Variants in CRYM observed in about 807,000 individuals in gnomAD.
CRYM encodes the protein ketimine reductase mu-crystallin.
Under a neutral mutation model 32.9 loss-of-function variants are expected in CRYM, and 18 were observed. That is an observed-to-expected ratio of 0.55 (90% CI 0.38 to 0.81). The LOEUF is 0.81. Among genes scored for constraint, CRYM ranks in the 30% least tolerant of loss-of-function variants. CRYM has a pLI of 0.00. For synonymous variants in CRYM, 153 were observed against 152.4 expected, an observed-to-expected ratio of 1.00 and a Z score of -0.03; for missense variants, 337 against 393.5, an observed-to-expected ratio of 0.86 and a Z score of 1.21.
chr16:21,261,942 G>A, intron 6 of CRYM, 95 bp downstream of exon 6: 3 of 1,539,302 alleles, frequency 1.9e-6, no homozygotes, highest in East Asian at 4.5e-5. Flanking sequence ...GCTGAGGTCT[G>A]GAGCAGACCA....
At chr16:21,293,415 A>G (rs1960713052) in intron 1 of CRYM, among the ~76,000 whole-genome samples, 1 of 152,166 alleles carries the variant, frequency 6.6e-6, no homozygotes, top group Non-Finnish European at 1.5e-5. Flanking sequence ...AAAAGAGAAT[A>G]CGGAACACAG....
At chr16:21,294,704 CT>C (rs1370526807) in intron 1 of CRYM, among the ~76,000 whole-genome samples, 13 of 98,416 alleles carry the variant, frequency 1.3e-4, no homozygotes, top group Admixed American at 6.1e-4. Flanking sequence ...TTTTTTTTTT[CT>C]TTTTTTTTTG....
chr16:21,276,913 T>C (rs1311138162), intron 2 of CRYM, among the ~76,000 whole-genome samples: 4 of 151,592 alleles, frequency 2.6e-5, no homozygotes, highest in Non-Finnish European at 2.9e-5. Context: ...AGAGGATTAA[T>C]AAATGTGAAA....
intron 1 of CRYM, among the ~76,000 whole-genome samples, chr16:21,287,085 G>A (rs1330635566): frequency 2.9e-5 from 4 of 137,672 alleles, no homozygotes; most frequent in Admixed American, 7.3e-5. Flanking sequence ...GCGAGACTCC[G>A]TCTCAAAAAA....
intron 1 of CRYM, among the ~76,000 whole-genome samples, chr16:21,286,447 G>C (rs2093407461): frequency 6.9e-6 from 1 of 145,188 alleles, no homozygotes. Flanking sequence ...GCCTGGTCTT[G>C]AACTCCTGAC....
intron 1 of CRYM, among the ~76,000 whole-genome samples, chr16:21,295,802 C>G (rs190725530): frequency 6.6e-6 from 1 of 151,952 alleles, no homozygotes; most frequent in African/African-American, 2.4e-5. Context: ...TGTGGTGGCA[C>G]ATGCCTATAG....
At chr16:21,296,641 A>AT (rs1359587029) in intron 1 of CRYM, among the ~76,000 whole-genome samples, 1 of 152,238 alleles carries the variant, frequency 6.6e-6, no homozygotes, top group African/African-American at 2.4e-5. Context: ...AAAGACAAGC[A>AT]TTTTATAATA....
At chr16:21,301,400 G>C (rs1424298720) in intron 1 of CRYM, 1 of 147,628 alleles carries the variant, frequency 6.8e-6, no homozygotes, top group East Asian at 2.3e-4. Context: ...GTGAGCGCAA[G>C]GGACGAGATG....
intron 3 of CRYM, among the ~76,000 whole-genome samples, chr16:21,273,740 T>C (rs2733909): frequency 0.27 from 40,846 of 152,140 alleles, 5,934 homozygotes; most frequent in African/African-American, 0.36. Flanking sequence ...CCATTAATAC[T>C]TTCTCTGCCT....
At chr16:21,301,919 C>T (rs1333111236) in intron 1 of CRYM, among the ~76,000 whole-genome samples, 3 of 152,170 alleles carry the variant, frequency 2.0e-5, no homozygotes, top group South Asian at 2.1e-4. Flanking sequence ...GCGCGTCCTT[C>T]TTCTGCCGGC....
chr16:21,277,508 G>T lies in CRYM; in HGVS notation c.247C>A (p.Arg83Ser). ...TTKLVTFYED[R>S]GITSVVPSHQ... is the part of the protein sequence containing the mutation. ...GAAGGGACGACCGAGGTGATGCCGC[G>T]GTCCTCGTAGAAGGTGACCAACTTG... Residue 83 changes from arginine (R) to serine (S), a missense_variant, in exon 2 of 8, where the codon CGC (arginine) becomes AGC (serine). Coordinates refer to ENST00000572914, the MANE Select transcript of CRYM (RefSeq NM_001376256.1). This position sits in a 1 kb window ranked among gnomAD's most constrained non-coding sequence, Gnocchi z 4.2. The T allele has an allele frequency of 6.2e-7, 1 of 1,613,894 alleles. No individual in the cohort carries two copies. The highest frequency in any genetic ancestry group is 8.5e-7 in the Non-Finnish European group (1 of 1,179,994).
chr16:21,277,890 G>A lies in CRYM; in HGVS notation c.170+192C>T, dbSNP rs932857020. Among the ~76,000 whole-genome samples the A allele has an allele frequency of 6.6e-6, 1 of 152,276 alleles. No homozygotes were observed. Among genetic ancestry groups the A allele is most frequent in the South Asian group, 2.1e-4 (1 of 4,824 alleles). On this transcript the variant is annotated intron_variant, in intron 1 of 7. Transcript: ENST00000572914. This position sits in a 1 kb window ranked among gnomAD's most constrained non-coding sequence, Gnocchi z 4.2. ...GTATCAATACCTCCCTAGGTGGAGA[G>A]TGTGCTGAAATAAACAAGGTAACAC...
At chr16:21,282,497 T>G (rs1005167921), upstream of CRYM, among the ~76,000 whole-genome samples, 3 of 152,092 alleles carry the variant, frequency 2.0e-5, no homozygotes, top group South Asian at 4.1e-4. Context: ...AAAAGAGATA[T>G]GAAATAAGAA....
chr16:21,295,036 T>C (rs575745467), intron 1 of CRYM, among the ~76,000 whole-genome samples: 2 of 152,336 alleles, frequency 1.3e-5, no homozygotes, highest in East Asian at 3.9e-4. Flanking sequence ...CCATGGTATA[T>C]ATGCACCACA....
chr16:21,275,563 C>A lies in CRYM; in HGVS notation c.356G>T (p.Arg119Ile). Reference sequence around the variant, plus strand: ...GGCAATGGCAGAAACTGCAGCTGTTCTCTTTGCAGTTATGACATTTCCATC... The same window carrying A: ...GGCAATGGCAGAAACTGCAGCTGTTATCTTTGCAGTTATGACATTTCCATC... Reference protein sequence around the residue: ...VMDGNVITAKRTAAVSAIATK... With the variant: ...VMDGNVITAKITAAVSAIATK... Residue 119 changes from arginine to isoleucine, a missense_variant, in exon 3 of 8, where the codon AGA (arginine) becomes ATA (isoleucine). Arg to Ile is a moderately conservative substitution (Grantham distance 97, BLOSUM62 -3). Transcript: ENST00000572914. 1.2e-6 allele frequency: 2 copies of A among 1,614,066 alleles called. No homozygotes were observed. The highest frequency in any genetic ancestry group is 2.2e-5 in the South Asian group (2 of 91,066).
At chr16:21,300,795 G>A (rs886568384) in intron 1 of CRYM, 2 of 152,324 alleles carry the variant, frequency 1.3e-5, no homozygotes, top group Admixed American at 1.3e-4. Flanking sequence ...GAGTGAATTT[G>A]GCCTGTGATC....
Position 21,277,989 on chromosome 16 carries a change from C to G in CRYM, c.170+93G>C. On this transcript the variant is annotated intron_variant, in intron 1 of 7. Coordinates refer to ENST00000572914, the MANE Select transcript of CRYM (RefSeq NM_001376256.1). This position sits in a 1 kb window ranked among gnomAD's most constrained non-coding sequence, Gnocchi z 4.2. ...AGCTGTTAGCAACGGTTAGGCAAGC[C>G]GTCTCTTCCCTTCTCCCACCCCTCC... 1.5e-6 allele frequency: 2 copies of G among 1,378,740 alleles called. No individual in the cohort carries two copies. Among genetic ancestry groups the G allele is most frequent in the Non-Finnish European group, 2.0e-6 (2 of 1,023,132 alleles). 85.4% of individuals were successfully genotyped at this position (1,378,740 alleles called of 1,614,324 possible). A position where few individuals can be genotyped will look rare whatever the true frequency, so the allele number is the denominator to read the frequency against.
At chr16:21,283,336 CCA>C (rs752220969) in intron 1 of CRYM, among the ~76,000 whole-genome samples, 1 of 152,072 alleles carries the variant, frequency 6.6e-6, no homozygotes, top group Admixed American at 6.6e-5. Flanking sequence ...GCCAAAAAAT[CCA>C]CAGTGAACAG....
At chr16:21,289,668 C>T (rs1301965844) in intron 1 of CRYM, among the ~76,000 whole-genome samples, 2 of 152,124 alleles carry the variant, frequency 1.3e-5, no homozygotes, top group African/African-American at 4.8e-5. Flanking sequence ...TACCTCCTCA[C>T]TCAGGTGACA....
Sources: allele counts gnomAD v4.1 joint callset (sites outside exome capture counted in the v4.1 genomes callset), GRCh38; gene constraint gnomAD v4.1.1; non-coding constraint Gnocchi (gnomAD v3.1); transcripts MANE v1.5; gene names NCBI Gene and HGNC (gene_info 2026-07-23, HGNC 2026-07-21).